Variants in ZBTB44 observed in about 807,000 individuals in gnomAD.
The protein encoded by ZBTB44 is zinc finger and BTB domain-containing protein 44.
A neutral mutation model predicts 54.0 loss-of-function variants in ZBTB44; 15 were observed. That is an observed-to-expected ratio of 0.28 (90% confidence interval 0.19 to 0.43). The LOEUF (loss-of-function observed/expected upper bound fraction) is 0.43. ZBTB44 is among the 20% of genes least tolerant of loss of function. ZBTB44 has a pLI of 1.00. For missense variants in ZBTB44, 487 were observed against 707.1 expected, an observed-to-expected ratio of 0.69 and a Z score of 3.53; for synonymous variants, 230 against 250.1, an observed-to-expected ratio of 0.92 and a Z score of 0.76.
At chr11:130,262,393 C>T (rs191372751) in intron 1 of ZBTB44, among the ~76,000 whole-genome samples, 1 of 152,120 alleles carries the variant, frequency 6.6e-6, no homozygotes, top group East Asian at 1.9e-4. Context: ...CCTGCCTAGG[C>T]CTCCCAAAGT....
intron 1 of ZBTB44, among the ~76,000 whole-genome samples, chr11:130,278,306 G>A (rs1426144179): frequency 6.6e-6 from 1 of 152,176 alleles, no homozygotes; most frequent in East Asian, 1.9e-4. Context: ...AAAGTGTTCA[G>A]TACCTCATAT....
chr11:130,260,609 GCT>G (rs1491487383), intron 2 of ZBTB44, among the ~76,000 whole-genome samples: 1 of 152,098 alleles, frequency 6.6e-6, no homozygotes, highest in African/African-American at 2.4e-5. Flanking sequence ...GGATTTAACT[GCT>G]TTTTTGTGTA....
At chr11:130,311,424 GC>G (rs1417257151) in intron 1 of ZBTB44, among the ~76,000 whole-genome samples, 1 of 151,994 alleles carries the variant, frequency 6.6e-6, no homozygotes, top group African/African-American at 2.4e-5. Context: ...GCCCAGGCTG[GC>G]CTTGAACTCC....
chr11:130,312,266 T>A (rs1942653729), intron 1 of ZBTB44, among the ~76,000 whole-genome samples: 2 of 152,076 alleles, frequency 1.3e-5, no homozygotes, highest in African/African-American at 4.8e-5. Context: ...AGTGTCCAAG[T>A]TTTACCCCAA....
At position 130,238,583 on chromosome 11, in the gene ZBTB44, G is replaced by A. The variant is rs1954213838; in HGVS notation, c.1128C>T (p.Tyr376=). Residue 376 remains tyrosine, a synonymous_variant, in exon 4 of 8, where the codon TAC becomes TAT. Transcript: ENST00000357899. ...TGGTGGAAGGAGCAATGTAGAGTTG[G>A]TAGGGATACTGAACATTTTCCAATC... The part of the protein sequence containing the change: ...DDRLENVQYP[Y]QLYIAPSTSS... 1.2e-6 allele frequency: 2 copies of A among 1,612,192 alleles called. No individual in the cohort carries two copies. Among genetic ancestry groups the A allele is most frequent in the Non-Finnish European group, 1.7e-6 (2 of 1,179,374 alleles).
At chr11:130,247,131 C>T (rs578034868) in intron 2 of ZBTB44, among the ~76,000 whole-genome samples, 6 of 152,278 alleles carry the variant, frequency 3.9e-5, no homozygotes, top group Middle Eastern at 3.4e-3. Flanking sequence ...CCAAATCCTG[C>T]GCTAAGGCCT....
At position 130,253,278 on chromosome 11, in the gene ZBTB44, G is replaced by A. The variant is rs148642542; in HGVS notation, c.1018+7578C>T. 4.9e-3 allele frequency among the ~76,000 whole-genome samples: 744 copies of A among 152,266 alleles called. 6 individuals are homozygous for A. The highest frequency in any genetic ancestry group is 0.017 in the African/African-American group (724 of 41,540). On this transcript the variant is annotated intron_variant, in intron 2 of 7. Transcript: ENST00000357899. ...AATTACGAAAAGAGGAAGTCAAATTGTCCCTGTTTGCAGATGACATGATTG... is the reference window on the plus strand; with the variant it reads ...AATTACGAAAAGAGGAAGTCAAATTATCCCTGTTTGCAGATGACATGATTG...
intron 1 of ZBTB44, among the ~76,000 whole-genome samples, chr11:130,268,221 T>TAAAAA (rs1157408386): frequency 4.3e-5 from 6 of 140,942 alleles, no homozygotes; most frequent in African/African-American, 1.1e-4. Flanking sequence ...CACGTCTAAT[T>TAAAAA]TAAAAAAAAA....
rs187398914 is a variant in ZBTB44, at chr11:130,301,856, C to T, written c.-57+12519G>A. ...TTGAGCCCAGGAGTTTGAGACCAGCCAATGCAACATGGCAAAACCCCATCT... is the reference window on the plus strand; with the variant it reads ...TTGAGCCCAGGAGTTTGAGACCAGCTAATGCAACATGGCAAAACCCCATCT... On this transcript the variant is annotated intron_variant, in intron 1 of 7. Coordinates refer to ENST00000357899, the MANE Select transcript of ZBTB44 (RefSeq NM_001301098.2). 2.8e-3 allele frequency among the ~76,000 whole-genome samples: 429 copies of T among 151,928 alleles called. 1 individual carries two copies. The highest frequency in any genetic ancestry group is 4.4e-3 in the Non-Finnish European group (296 of 67,954).
At chr11:130,306,196 G>A (rs1265597945) in intron 1 of ZBTB44, among the ~76,000 whole-genome samples, 1 of 152,140 alleles carries the variant, frequency 6.6e-6, no homozygotes, top group East Asian at 1.9e-4. Context: ...AAACAGTATG[G>A]AGATTCCTTT....
At chr11:130,278,349 CAG>C (rs1940256941) in intron 1 of ZBTB44, among the ~76,000 whole-genome samples, 1 of 152,102 alleles carries the variant, frequency 6.6e-6, no homozygotes, top group Non-Finnish European at 1.5e-5. Context: ...AAGTGAAAAA[CAG>C]AGTGGTTGTA....
chr11:130,229,836 C>CA lies in ZBTB44; in HGVS notation c.*1927dup, dbSNP rs1953811097. 5 of 152,094 alleles carry CA rather than the reference C, an allele frequency of 3.3e-5. No individual in the cohort carries two copies. The South Asian group carries it at 1.0e-3, about 31-fold the overall frequency. 9.4% of individuals were successfully genotyped at this position (152,094 alleles called of 1,614,324 possible). ...ACTACATTTATTTATTACCTTCTGG[C>CA]AACTTTGGGTCTGTTTCTTCTAACT... On this transcript the variant is annotated 3_prime_UTR_variant, in exon 8 of 8. Coordinates refer to ENST00000357899, the MANE Select transcript of ZBTB44 (RefSeq NM_001301098.2).
chr11:130,286,227 T>C (rs1231842004), intron 1 of ZBTB44, among the ~76,000 whole-genome samples: 2 of 152,186 alleles, frequency 1.3e-5, no homozygotes, highest in Non-Finnish European at 2.9e-5. Flanking sequence ...GCTGAGTCCT[T>C]AGCTGTAGTT....
At chr11:130,243,003 T>G (rs1411308354) in intron 2 of ZBTB44, among the ~76,000 whole-genome samples, 2 of 152,254 alleles carry the variant, frequency 1.3e-5, no homozygotes, top group Admixed American at 6.5e-5. Flanking sequence ...GAGTGCAATG[T>G]GCTGCCAAAA....
At chr11:130,276,275 G>A (rs1175368123) in intron 1 of ZBTB44, among the ~76,000 whole-genome samples, 2 of 143,296 alleles carry the variant, frequency 1.4e-5, no homozygotes, top group African/African-American at 2.7e-5. Flanking sequence ...TTTGTTTCAT[G>A]GCTAGCATAT....
chr11:130,279,701 T>C (rs1345848550), intron 1 of ZBTB44, among the ~76,000 whole-genome samples: 1 of 147,792 alleles, frequency 6.8e-6, no homozygotes, highest in African/African-American at 2.6e-5. Flanking sequence ...CCGTAGCTCA[T>C]TTGAAGGAAC....
intron 2 of ZBTB44, among the ~76,000 whole-genome samples, chr11:130,242,848 T>C (rs1954441849): frequency 2.0e-5 from 3 of 152,322 alleles, no homozygotes; most frequent in African/African-American, 7.2e-5. Context: ...TCCTCTCTCT[T>C]TAGAGCTTCC....
intron 1 of ZBTB44, among the ~76,000 whole-genome samples, chr11:130,265,505 A>G (rs749606937): frequency 1.1e-4 from 17 of 152,188 alleles, no homozygotes; most frequent in Non-Finnish European, 1.5e-4. Context: ...GAAATGCTAG[A>G]AATGATTAAG....
At chr11:130,246,271 A>C (rs1954641673) in intron 2 of ZBTB44, among the ~76,000 whole-genome samples, 1 of 152,168 alleles carries the variant, frequency 6.6e-6, no homozygotes, top group Non-Finnish European at 1.5e-5. Context: ...ATATATACAC[A>C]TATATATACA....
Sources: allele counts gnomAD v4.1 joint callset (sites outside exome capture counted in the v4.1 genomes callset), GRCh38; gene constraint gnomAD v4.1.1; transcripts MANE v1.5; gene names NCBI Gene and HGNC (gene_info 2026-07-23, HGNC 2026-07-21).